Variants in EPHA3 observed in about 807,000 individuals in gnomAD.
EPHA3 encodes EPH receptor A3, also known as ephrin type-A receptor 3.
A neutral mutation model predicts 107.1 loss-of-function variants in EPHA3; 42 were observed. The observed-to-expected ratio is 0.39, with a 90% CI of 0.31 to 0.51. EPHA3 has a LOEUF of 0.51. Among genes scored for constraint, EPHA3 ranks in the 20% least tolerant of loss-of-function variants. EPHA3 has a pLI of 0.78. For missense variants in EPHA3, 1,183 were observed against 1,211.2 expected (o/e 0.98, Z 0.35); for synonymous variants, 461 against 424.8 (o/e 1.09, Z -1.05).
intron 3 of EPHA3, among the ~76,000 whole-genome samples, chr3:89,322,813 G>T (rs187953896): frequency 8.2e-4 from 125 of 152,182 alleles, no homozygotes; most frequent in Non-Finnish European, 1.5e-3. Flanking sequence ...AGATATATGT[G>T]ATCAGATGGC....
intron 2 of EPHA3, among the ~76,000 whole-genome samples, chr3:89,184,747 A>G (rs1324308130): frequency 6.6e-6 from 1 of 152,006 alleles, no homozygotes; most frequent in Non-Finnish European, 1.5e-5. Flanking sequence ...TCTTCCCCAC[A>G]TCTAATAAGA....
intron 3 of EPHA3, among the ~76,000 whole-genome samples, chr3:89,255,884 G>A (rs912748347): frequency 2.0e-5 from 3 of 151,898 alleles, no homozygotes; most frequent in Non-Finnish European, 4.4e-5. Flanking sequence ...CTGGGTGACA[G>A]AGTGAGACTC....
chr3:89,360,258 C>T (rs1444266588), intron 5 of EPHA3, among the ~76,000 whole-genome samples: 1 of 150,608 alleles, frequency 6.6e-6, no homozygotes, highest in Non-Finnish European at 1.5e-5. Context: ...ACAGTTTGCT[C>T]CTATAAATAG....
intron 3 of EPHA3, among the ~76,000 whole-genome samples, chr3:89,332,644 T>C (rs1440507544): frequency 6.6e-6 from 1 of 152,100 alleles, no homozygotes; most frequent in Non-Finnish European, 1.5e-5. Flanking sequence ...GTGCAGCTCA[T>C]TTTGGGCATA....
At chr3:89,176,458 C>T (rs188518846) in intron 2 of EPHA3, among the ~76,000 whole-genome samples, 1 of 143,938 alleles carries the variant, frequency 6.9e-6, no homozygotes, top group East Asian at 2.1e-4. Flanking sequence ...GGTTGCGCCA[C>T]TCTACTCCAC....
rs1482300661 is a variant in EPHA3 at position 89,413,333 on chromosome 3, C to A, written c.1888+67C>A. 7.6e-6 allele frequency: 12 copies of A among 1,577,854 alleles called. No homozygotes were observed. The East Asian group carries it at 2.5e-4, about 32-fold the overall frequency. On this transcript the variant is annotated intron_variant, in intron 10 of 16. Transcript: ENST00000336596. ...AATCACGATTGCTCAGTCTCTGAAA[C>A]CTAAGTATATTGCTAAAGAAATGGG...
intron 9 of EPHA3, among the ~76,000 whole-genome samples, chr3:89,409,473 C>T (rs1252514590): frequency 2.6e-5 from 4 of 151,960 alleles, no homozygotes; most frequent in East Asian, 1.9e-4. Flanking sequence ...CTACATCTTA[C>T]GAATTTTGAG....
chr3:89,475,598 G>A (rs1710490220), intron 16 of EPHA3, among the ~76,000 whole-genome samples: 1 of 152,142 alleles, frequency 6.6e-6, no homozygotes, highest in East Asian at 1.9e-4. Context: ...GATTTAGGAA[G>A]GTTAAAGTGA....
At chr3:89,403,602 T>G (rs1040707387) in intron 7 of EPHA3, among the ~76,000 whole-genome samples, 1 of 152,130 alleles carries the variant, frequency 6.6e-6, no homozygotes, top group African/African-American at 2.4e-5. Flanking sequence ...GTACAGACAT[T>G]AGGGCATGTT....
chr3:89,250,688 A>G (rs1018703397), intron 3 of EPHA3, among the ~76,000 whole-genome samples: 1 of 152,164 alleles, frequency 6.6e-6, no homozygotes, highest in African/African-American at 2.4e-5. Context: ...ATTTCCTTAA[A>G]AGGCTCAAAC....
At chr3:89,295,685 G>T (rs2076009427) in intron 3 of EPHA3, among the ~76,000 whole-genome samples, 1 of 152,052 alleles carries the variant, frequency 6.6e-6, no homozygotes, top group Admixed American at 6.6e-5. Context: ...TCTGCCACCG[G>T]GTTCAAGAGA....
chr3:89,364,210 A>G (rs1297771668), intron 5 of EPHA3, among the ~76,000 whole-genome samples: 1 of 150,838 alleles, frequency 6.6e-6, no homozygotes, highest in Admixed American at 6.7e-5. Context: ...GGCTGCTATT[A>G]GCACCACTTG....
intron 3 of EPHA3, among the ~76,000 whole-genome samples, chr3:89,232,462 C>G (rs1704661891): frequency 6.6e-6 from 1 of 152,070 alleles, no homozygotes; most frequent in Admixed American, 6.6e-5. Context: ...ATGTTGGAAA[C>G]AGAAAGGTGT....
intron 2 of EPHA3, among the ~76,000 whole-genome samples, chr3:89,132,318 A>G (rs1202328942): frequency 3.9e-5 from 6 of 152,214 alleles, no homozygotes; most frequent in Non-Finnish European, 8.8e-5. Context: ...AGTGTTTTTC[A>G]TGCTTTCAAA....
At chr3:89,307,623 C>T (rs569754778) in intron 3 of EPHA3, among the ~76,000 whole-genome samples, 28 of 152,174 alleles carry the variant, frequency 1.8e-4, no homozygotes, top group Non-Finnish European at 3.5e-4. Context: ...AGTGCAGTGG[C>T]GCAATCACAG....
intron 2 of EPHA3, among the ~76,000 whole-genome samples, chr3:89,208,588 G>T (rs1281988009): frequency 8.8e-6 from 1 of 114,246 alleles, no homozygotes; most frequent in Non-Finnish European, 2.0e-5. Context: ...AAGAAAGAAA[G>T]AAAGGGAAGG....
chr3:89,355,733 G>A (rs1054221760), intron 5 of EPHA3, among the ~76,000 whole-genome samples: 3 of 150,508 alleles, frequency 2.0e-5, no homozygotes, highest in African/African-American at 7.3e-5. Flanking sequence ...AATAAGTTGT[G>A]CTCTGTCTCC....
At chr3:89,428,663 A>G (rs1344276654) in intron 11 of EPHA3, among the ~76,000 whole-genome samples, 1 of 152,050 alleles carries the variant, frequency 6.6e-6, no homozygotes, top group African/African-American at 2.4e-5. Context: ...AAAAGAGAAC[A>G]CCTAGCACAG....
In EPHA3 at chr3:89,472,506, T is replaced by C. The variant is rs755790839; in HGVS notation, c.2733T>C (p.Thr911=). 2 of 1,614,136 alleles carry C rather than the reference T, an allele frequency of 1.2e-6. No homozygotes were observed. Among genetic ancestry groups the C allele is most frequent in the Non-Finnish European group, 1.7e-6 (2 of 1,180,008 alleles). The part of the protein sequence containing the change: ...LLLDQSNVDI[T]TFRTTGDWLN... The stretch of plus-strand genomic sequence containing the variant: ...TGGACCAAAGCAATGTGGATATCAC[T>C]ACCTTCCGCACAACAGGTGACTGGC... The change falls in exon 16 of 17, where the codon ACT becomes ACC. Residue 911 remains threonine (T), a synonymous_variant. Transcript: ENST00000336596.
Sources: gnomAD v4.1 joint callset for allele counts (sites outside exome capture counted in the v4.1 genomes callset) on GRCh38, gnomAD v4.1.1 for gene constraint, MANE v1.5 for transcripts, NCBI Gene and HGNC (gene_info 2026-07-23, HGNC 2026-07-21) for gene names.